IQCM: variants seen among roughly 807,000 people sequenced by gnomAD.
The protein encoded by IQCM is IQ motif containing M.
A neutral mutation model predicts 57.6 loss-of-function variants in IQCM; 45 were observed. That is an observed-to-expected ratio of 0.78 (90% confidence interval 0.62 to 1.00). The LOEUF (loss-of-function observed/expected upper bound fraction) is 1.00, where lower values mean the gene tolerates loss of function less well. IQCM is among the 50% of genes least tolerant of loss of function. The pLI, the probability that IQCM is intolerant of heterozygous loss-of-function variation, is 0.00. For missense variants in IQCM, 468 were observed against 511.6 expected (o/e 0.91, Z 0.82); for synonymous variants, 148 against 158.9 (o/e 0.93, Z 0.51).
intron 7 of IQCM, among the ~76,000 whole-genome samples, chr4:149,640,856 A>T (rs1267356738): frequency 6.6e-6 from 1 of 152,164 alleles, no homozygotes; most frequent in Non-Finnish European, 1.5e-5. Context: ...AGCCAGGCGC[A>T]GTGGCTCACA....
chr4:149,405,144 A>G (rs1052181945), intron 13 of IQCM, among the ~76,000 whole-genome samples: 1 of 152,086 alleles, frequency 6.6e-6, no homozygotes, highest in African/African-American at 2.4e-5. Flanking sequence ...AAGAAAGGAA[A>G]AAAAAGAAGA....
chr4:149,671,852 A>G (rs1287392181), intron 7 of IQCM, among the ~76,000 whole-genome samples: 1 of 152,128 alleles, frequency 6.6e-6, no homozygotes, highest in Non-Finnish European at 1.5e-5. Context: ...ACAGTTTGTT[A>G]TAATTTCTGT....
chr4:149,507,689 T>C (rs534570786), intron 12 of IQCM, among the ~76,000 whole-genome samples: 8 of 152,258 alleles, frequency 5.3e-5, no homozygotes, highest in Non-Finnish European at 1.0e-4. Context: ...AGCATAAAAG[T>C]TTGGGAAATT....
At chr4:149,735,779 G>GACTA (rs1347361828) in intron 3 of IQCM, among the ~76,000 whole-genome samples, 1 of 152,120 alleles carries the variant, frequency 6.6e-6, no homozygotes. Context: ...CATACTTGAT[G>GACTA]ACTAATGTAT....
intron 2 of IQCM, among the ~76,000 whole-genome samples, chr4:149,797,480 A>G (rs1773211277): frequency 6.6e-6 from 1 of 152,104 alleles, no homozygotes; most frequent in African/African-American, 2.4e-5. Context: ...GGAAGTAGAG[A>G]AAGAGATAGG....
At chr4:149,701,388 T>C (rs551930919) in intron 5 of IQCM, among the ~76,000 whole-genome samples, 11 of 152,202 alleles carry the variant, frequency 7.2e-5, no homozygotes, top group Admixed American at 2.6e-4. Context: ...TATCATTTTG[T>C]TCCTCACAGC....
At chr4:149,567,378 ACTCTGTCACCCAGG>A in intron 9 of IQCM, among the ~76,000 whole-genome samples, 1 of 151,778 alleles carries the variant, frequency 6.6e-6, no homozygotes, top group Middle Eastern at 3.4e-3. Flanking sequence ...ACAGAGTCTC[ACTCTGTCACCCAGG>A]CCGGAGTGCA....
chr4:149,451,307 T>C (rs1217247756), intron 12 of IQCM, among the ~76,000 whole-genome samples: 1 of 151,824 alleles, frequency 6.6e-6, no homozygotes, highest in African/African-American at 2.4e-5. Flanking sequence ...AATAATTTAA[T>C]TGTGCATTTT....
chr4:149,784,663 C>T (rs1254291188), intron 2 of IQCM, among the ~76,000 whole-genome samples: 1 of 152,154 alleles, frequency 6.6e-6, no homozygotes, highest in Non-Finnish European at 1.5e-5. Flanking sequence ...ATCCACCCGC[C>T]TCGGCCTCCC....
At chr4:149,476,886 G>C (rs1472678753) in intron 12 of IQCM, among the ~76,000 whole-genome samples, 1 of 151,942 alleles carries the variant, frequency 6.6e-6, no homozygotes, top group Non-Finnish European at 1.5e-5. Flanking sequence ...TATACCTATT[G>C]GTACAATAAC....
At chr4:149,433,354 T>A (rs1453432145) in intron 13 of IQCM, 42 bp downstream of exon 13, 14 of 851,236 alleles carry the variant, frequency 1.6e-5, no homozygotes, top group East Asian at 3.4e-5. Context: ...TTATAAGGTA[T>A]CACTTCTTCT....
intron 8 of IQCM, among the ~76,000 whole-genome samples, chr4:149,601,835 G>C (rs1287050643): frequency 6.6e-6 from 1 of 151,976 alleles, no homozygotes; most frequent in African/African-American, 2.4e-5. Context: ...AAGGCAGGCA[G>C]ATCCCAAGAT....
At chr4:149,633,864 G>A (rs916852285) in intron 7 of IQCM, among the ~76,000 whole-genome samples, 11 of 151,940 alleles carry the variant, frequency 7.2e-5, no homozygotes, top group Admixed American at 2.0e-4. Flanking sequence ...AAGCTACACC[G>A]TCATTTTTTT....
At chr4:149,691,724 T>C (rs1295914885) in intron 5 of IQCM, 2 of 152,060 alleles carry the variant, frequency 1.3e-5, no homozygotes, top group African/African-American at 4.8e-5. Context: ...GATCAAGAGA[T>C]TACAGATACT....
chr4:149,548,379 A>G (rs780820516), intron 12 of IQCM, 76 bp downstream of exon 12: 6 of 1,149,284 alleles, frequency 5.2e-6, no homozygotes, highest in Non-Finnish European at 5.5e-6. Flanking sequence ...GAGAACAACT[A>G]AGGAAAGTTG....
At chr4:149,570,213 A>G (rs900815414) in intron 9 of IQCM, among the ~76,000 whole-genome samples, 6 of 152,140 alleles carry the variant, frequency 3.9e-5, no homozygotes, top group Admixed American at 2.6e-4. Flanking sequence ...ATTTATTTAC[A>G]AAGTTTTAAT....
chr4:149,806,397 T>G (rs191825002), intron 2 of IQCM, among the ~76,000 whole-genome samples: 1 of 152,122 alleles, frequency 6.6e-6, no homozygotes, highest in Non-Finnish European at 1.5e-5. Context: ...CTAATTTCTC[T>G]ACTGTATTAT....
chr4:149,703,986 T>G (rs1346248864), intron 5 of IQCM, among the ~76,000 whole-genome samples: 2 of 151,876 alleles, frequency 1.3e-5, no homozygotes, highest in Non-Finnish European at 2.9e-5. Flanking sequence ...ATATTCCAAA[T>G]GTATGGTCTT....
In IQCM at chr4:149,563,800, T is replaced by A; in HGVS notation, c.840A>T (p.Glu280Asp). The A allele has an allele frequency of 8.1e-7, 1 of 1,232,038 alleles. No homozygotes were observed. The highest frequency in any genetic ancestry group is 3.2e-5 in the East Asian group (1 of 31,700). The allele number at this position is 1,232,038 out of a possible 1,614,324, so 76.3% of individuals were successfully genotyped here. A position where few individuals can be genotyped will look rare whatever the true frequency, so the allele number is the denominator to read the frequency against. Reference sequence around the variant, plus strand: ...TTGGGGTAATCATGAATTTTTTTCTTTCTCGGAACACTTGGAAGATTTCTA... The same window carrying A: ...TTGGGGTAATCATGAATTTTTTTCTATCTCGGAACACTTGGAAGATTTCTA... ...PHIEIFQVFRERKKFMITPKL... is the reference protein window; with the variant it reads ...PHIEIFQVFRDRKKFMITPKL... Residue 280 changes from glutamate (E) to aspartate (D), a missense_variant, in exon 10 of 14, where the codon GAA becomes GAT. Physicochemically the swap from Glu to Asp is conservative, Grantham distance 45. Coordinates refer to ENST00000636793, the MANE Select transcript of IQCM (RefSeq NM_001363507.2).
Sources: allele counts gnomAD v4.1 joint callset (sites outside exome capture counted in the v4.1 genomes callset), GRCh38; gene constraint gnomAD v4.1.1; transcripts MANE v1.5; gene names NCBI Gene and HGNC (gene_info 2026-07-23, HGNC 2026-07-21).